COQ7: variants seen among roughly 807,000 people sequenced by gnomAD.
COQ7 encodes NADPH-dependent 3-demethoxyubiquinone 3-hydroxylase, mitochondrial.
COQ7 carries 21 observed loss-of-function variants against 25.0 expected under a neutral mutation model. The ratio of observed to expected loss-of-function variants is 0.84; its 90% CI spans 0.60 to 1.21. COQ7 has a LOEUF of 1.21. Ranked by LOEUF, COQ7 falls within the 50% of genes most tolerant of loss-of-function variation. COQ7 has a pLI of 0.00. For synonymous variants in COQ7, 125 were observed against 112.4 expected (o/e 1.11, Z -0.71); for missense variants, 311 against 296.2 (o/e 1.05, Z -0.37).
At chr16:19,069,687 A>G (rs1293984765) in intron 1 of COQ7, among the ~76,000 whole-genome samples, 1 of 152,202 alleles carries the variant, frequency 6.6e-6, no homozygotes, top group Non-Finnish European at 1.5e-5. Flanking sequence ...CTGGGATTAC[A>G]GGCGTGAGTC....
At chr16:19,082,614 T>C (rs535785579), downstream of COQ7, among the ~76,000 whole-genome samples, 119 of 152,140 alleles carry the variant, frequency 7.8e-4, no homozygotes, top group Non-Finnish European at 1.4e-3. Flanking sequence ...TGAAACCCCG[T>C]CTCTACTAAA....
chr16:19,069,294 C>T (rs997523919), intron 1 of COQ7, among the ~76,000 whole-genome samples: 1 of 152,092 alleles, frequency 6.6e-6, no homozygotes, highest in Admixed American at 6.5e-5. Context: ...GAATAAGACT[C>T]ATTTCTGTTT....
rs1222977316 is a variant in COQ7 at position 19,079,332 on chromosome 16, T to A, written c.*1174T>A. The A allele has an allele frequency of 6.6e-6, 1 of 152,174 alleles. No individual in the cohort carries two copies. Among genetic ancestry groups the A allele is most frequent in the Admixed American group, 6.6e-5 (1 of 15,260 alleles). The allele number at this position is 152,174 out of a possible 1,614,324, so 9.4% of individuals were successfully genotyped here. On this transcript the variant is annotated 3_prime_UTR_variant, in exon 6 of 6. Transcript: ENST00000321998. ...CGGGGGTGTTGCTTCCATCAAAGGA[T>A]GTACTAAGTTGTGGATTATTTGTGA...
intron 5 of COQ7, among the ~76,000 whole-genome samples, chr16:19,077,662 C>G (rs1346958789): frequency 3.1e-5 from 4 of 130,656 alleles, no homozygotes; most frequent in Admixed American, 1.9e-4. Flanking sequence ...AGTCTTAGCT[C>G]ACTGCAGCCT....
chr16:19,078,004 TGCCCTGCCA>T, intron 5 of COQ7, 68 bp from the exon 6 acceptor site: 1 of 1,077,812 alleles, frequency 9.3e-7, no homozygotes, highest in Non-Finnish European at 1.3e-6. Flanking sequence ...ATCCAAAGCC[TGCCCTGCCA>T]GCCCTGAATC....
Position 19,078,394 on chromosome 16 carries a change from G to T in COQ7, c.*236G>T. The T allele has an allele frequency of 2.9e-6, 1 of 342,928 alleles. No homozygotes were observed. The highest frequency in any genetic ancestry group is 5.2e-6 in the Non-Finnish European group (1 of 192,328). The allele number at this position is 342,928 out of a possible 1,614,324, so 21.2% of individuals were successfully genotyped here. ...TGTTCAAGTTACAGCAAACGAAGCT[G>T]GGCCTTGTTTGGTCTCATACTTAAT... is the stretch of plus-strand genomic sequence containing the variant. On this transcript the variant is annotated 3_prime_UTR_variant, in exon 6 of 6. Coordinates refer to ENST00000321998, the MANE Select transcript of COQ7 (RefSeq NM_016138.5).
At chr16:19,068,807 AAAATT>A in intron 1 of COQ7, 1 of 444,420 alleles carries the variant, frequency 2.3e-6, no homozygotes, top group Non-Finnish European at 4.5e-6. Flanking sequence ...GTCCCATTTA[AAAATT>A]AAATTAATTT....
intron 1 of COQ7, 64 bp downstream of exon 1, chr16:19,067,801 G>C: frequency 6.4e-7 from 1 of 1,572,400 alleles, no homozygotes; most frequent in Non-Finnish European, 8.5e-7. Context: ...TTTCGCTTGA[G>C]GTTTGGGTCG....
chr16:19,067,954 CAGTGACGCCTGGGG>C (rs2142349783), intron 1 of COQ7: 2 of 1,434,170 alleles, frequency 1.4e-6, no homozygotes, highest in East Asian at 5.1e-5. Context: ...GTTGTTTCGG[CAGTGACGCCTGGGG>C]AGTGACGCAA....
intron 1 of COQ7, among the ~76,000 whole-genome samples, chr16:19,069,136 T>G (rs927805520): frequency 1.3e-5 from 2 of 152,196 alleles, no homozygotes; most frequent in Non-Finnish European, 2.9e-5. Flanking sequence ...TGTTTCACAC[T>G]TTGGGAAAAT....
chr16:19,070,446 A>G (rs1259780596), intron 1 of COQ7, among the ~76,000 whole-genome samples: 2 of 152,148 alleles, frequency 1.3e-5, no homozygotes, highest in African/African-American at 2.4e-5. Context: ...AGTGATACCA[A>G]TGCTGGCTGG....
At chr16:19,082,820 T>A (rs1024245069), downstream of COQ7, among the ~76,000 whole-genome samples, 9 of 20,198 alleles carry the variant, frequency 4.5e-4, no homozygotes, top group South Asian at 1.8e-3. Context: ...ACCACAATTT[T>A]AAAACATGCT....
chr16:19,077,570 C>T (rs1330150182), intron 5 of COQ7, among the ~76,000 whole-genome samples, 196 bp downstream of exon 5: 2 of 111,572 alleles, frequency 1.8e-5, no homozygotes, highest in Non-Finnish European at 3.9e-5. Context: ...TGCTTTATGC[C>T]TTCTCCTTTT....
At chr16:19,077,146 A>G (rs893198003) in intron 4 of COQ7, among the ~76,000 whole-genome samples, 160 bp from the exon 5 acceptor site, 1 of 152,226 alleles carries the variant, frequency 6.6e-6, no homozygotes, top group Admixed American at 6.5e-5. Flanking sequence ...ACAGTGGCAG[A>G]GTTGGGTAGT....
rs1347744008 is a variant in COQ7, at chr16:19,079,720, C to T, written c.*1562C>T. ...AACCACATTTTAGGAATTTGCTTCCCACCCAGTGCCCTGCATTTAATCAGC... is the reference window on the plus strand; with the variant it reads ...AACCACATTTTAGGAATTTGCTTCCTACCCAGTGCCCTGCATTTAATCAGC... On this transcript the variant is annotated 3_prime_UTR_variant, in exon 6 of 6. Transcript: ENST00000321998. 1 of 152,182 alleles carries T rather than the reference C, an allele frequency of 6.6e-6. No individual in the cohort carries two copies. Among genetic ancestry groups the T allele is most frequent in the Non-Finnish European group, 1.5e-5 (1 of 68,048 alleles). 9.4% of individuals were successfully genotyped at this position (152,182 alleles called of 1,614,324 possible).
chr16:19,076,318 T>C (rs1962837701), intron 4 of COQ7, among the ~76,000 whole-genome samples: 2 of 150,244 alleles, frequency 1.3e-5, no homozygotes, highest in African/African-American at 2.4e-5. Flanking sequence ...TGGTCTTGAA[T>C]TTCTGAGCTC....
chr16:19,077,496 A>G (rs891004559), intron 5 of COQ7, 122 bp downstream of exon 5: 32 of 753,992 alleles, frequency 4.2e-5, no homozygotes, highest in African/African-American at 8.8e-5. Context: ...GAGAAAACCA[A>G]TGACGTTGCT....
chr16:19,077,488 G>A, intron 5 of COQ7, 114 bp downstream of exon 5: 1 of 742,184 alleles, frequency 1.3e-6, no homozygotes, highest in Non-Finnish European at 2.1e-6. Context: ...GAAAGGGAGA[G>A]AAAACCAATG....
chr16:19,071,867 C>T (rs1001063858), intron 1 of COQ7, 61 bp from the exon 2 acceptor site: 7 of 1,592,358 alleles, frequency 4.4e-6, no homozygotes, highest in Non-Finnish European at 5.2e-6. Flanking sequence ...TTTCTGCTGT[C>T]TGTAAAAGGA....
Sources: allele counts gnomAD v4.1 joint callset (sites outside exome capture counted in the v4.1 genomes callset), GRCh38; gene constraint gnomAD v4.1.1; transcripts MANE v1.5; gene names NCBI Gene and HGNC (gene_info 2026-07-23, HGNC 2026-07-21).